The following CCDC149 variants were observed in gnomAD, a reference collection of about 807,000 sequenced individuals.
The protein encoded by CCDC149 is coiled-coil domain containing 149.
A neutral mutation model predicts 59.9 loss-of-function variants in CCDC149; 45 were observed. The ratio of observed to expected loss-of-function variants is 0.75; its 90% CI spans 0.59 to 0.96. CCDC149 has a LOEUF of 0.96. CCDC149 is among the 40% of genes least tolerant of loss of function. CCDC149 has a pLI of 0.00. For synonymous variants in CCDC149, 245 were observed against 260.6 expected (o/e 0.94, Z 0.58); for missense variants, 584 against 664.7 (o/e 0.88, Z 1.33).
At chr4:24,809,458 G>A (rs750276259) in intron 12 of CCDC149, among the ~76,000 whole-genome samples, 7 of 152,206 alleles carry the variant, frequency 4.6e-5, no homozygotes, top group African/African-American at 1.2e-4. Flanking sequence ...AGAAGGGGGA[G>A]CCCTTAAAGT....
rs762459781 is a variant in CCDC149, at chr4:24,806,308, A to T, written c.*2081T>A. On this transcript the variant is annotated 3_prime_UTR_variant, in exon 13 of 13. Coordinates refer to ENST00000635206, the MANE Select transcript of CCDC149 (RefSeq NM_001330643.2). ...CCTCCCCGCTGACTACACACAGTTTAGGTTATCACTCCTTATGACTCCTGC... is the reference window on the plus strand; with the variant it reads ...CCTCCCCGCTGACTACACACAGTTTTGGTTATCACTCCTTATGACTCCTGC... 6.6e-6 allele frequency: 1 copy of T among 152,308 alleles called. No homozygotes were observed. Among genetic ancestry groups the T allele is most frequent in the African/African-American group, 2.4e-5 (1 of 41,400 alleles). The allele number at this position is 152,308 out of a possible 1,614,324, so 9.4% of individuals were successfully genotyped here.
At chr4:24,974,424 C>T (rs1209539591) in intron 1 of CCDC149, among the ~76,000 whole-genome samples, 1 of 152,180 alleles carries the variant, frequency 6.6e-6, no homozygotes, top group Non-Finnish European at 1.5e-5. Flanking sequence ...CTCTAGAGGA[C>T]AGAGTAACCA....
intron 1 of CCDC149, among the ~76,000 whole-genome samples, chr4:24,973,788 C>T (rs1387209864): frequency 2.0e-5 from 3 of 152,208 alleles, no homozygotes; most frequent in Non-Finnish European, 4.4e-5. Flanking sequence ...TTCTGTGCAA[C>T]GTTATCCACA....
chr4:24,889,852 C>T (rs996142874), intron 1 of CCDC149, among the ~76,000 whole-genome samples: 5 of 152,160 alleles, frequency 3.3e-5, no homozygotes, highest in South Asian at 2.1e-4. Context: ...AATACCCTAA[C>T]ACCCCTATTA....
intron 1 of CCDC149, among the ~76,000 whole-genome samples, chr4:24,903,158 A>G (rs1721278330): frequency 6.6e-6 from 1 of 151,748 alleles, no homozygotes; most frequent in African/African-American, 2.4e-5. Flanking sequence ...AAGAAGCCAG[A>G]CATTCTGCCT....
At chr4:24,921,384 C>T (rs1722287885) in intron 1 of CCDC149, among the ~76,000 whole-genome samples, 1 of 152,188 alleles carries the variant, frequency 6.6e-6, no homozygotes, top group African/African-American at 2.4e-5. Context: ...TGAATGAACC[C>T]TATATGTACT....
In CCDC149 at chr4:24,837,398, A is replaced by G. The variant is rs749473340; in HGVS notation, c.492T>C (p.Ile164=). ...CCTGCAGGTCGTGCTCCAGAGACTCAATCTAAAACCACAGGGAGAGCCCTT... is the reference window on the plus strand; with the variant it reads ...CCTGCAGGTCGTGCTCCAGAGACTCGATCTAAAACCACAGGGAGAGCCCTT... The change falls in exon 6 of 13, where the codon ATT becomes ATC. Residue 164 remains isoleucine (I), a splice_region_variant and synonymous_variant. Coordinates refer to ENST00000635206, the MANE Select transcript of CCDC149 (RefSeq NM_001330643.2). The surrounding 1 kb of genome is among the most constrained non-coding windows in gnomAD (Gnocchi z 4.3). 1 of 1,614,072 alleles carries G rather than the reference A, an allele frequency of 6.2e-7. No individual in the cohort carries two copies. Among genetic ancestry groups the G allele is most frequent in the East Asian group, 2.2e-5 (1 of 44,878 alleles).
chr4:24,950,988 A>G (rs1345328871), intron 1 of CCDC149, among the ~76,000 whole-genome samples: 1 of 152,234 alleles, frequency 6.6e-6, no homozygotes, highest in Non-Finnish European at 1.5e-5. Flanking sequence ...ATCATAGCTC[A>G]GCATCTATGT....
At chr4:24,856,080 G>T (rs1391613456) in intron 3 of CCDC149, among the ~76,000 whole-genome samples, 1 of 152,202 alleles carries the variant, frequency 6.6e-6, no homozygotes, top group African/African-American at 2.4e-5. Flanking sequence ...CTAAAGGTGG[G>T]TTACCTCCCT....
intron 12 of CCDC149, among the ~76,000 whole-genome samples, chr4:24,818,157 G>T (rs1715134551): frequency 6.6e-6 from 1 of 152,172 alleles, no homozygotes; most frequent in Non-Finnish European, 1.5e-5. Flanking sequence ...TCTGCAGAAA[G>T]AGTTGAGTGA....
intron 9 of CCDC149, among the ~76,000 whole-genome samples, chr4:24,823,851 G>C (rs1167809958): frequency 6.6e-6 from 1 of 152,178 alleles, no homozygotes; most frequent in Non-Finnish European, 1.5e-5. Flanking sequence ...AAATTATGCA[G>C]TCTTTATCAA....
At chr4:24,865,583 A>G (rs748893710) in intron 3 of CCDC149, among the ~76,000 whole-genome samples, 1 of 152,182 alleles carries the variant, frequency 6.6e-6, no homozygotes, top group Non-Finnish European at 1.5e-5. Flanking sequence ...GTGCAAGGAG[A>G]CCTTAGCAGC....
intron 1 of CCDC149, among the ~76,000 whole-genome samples, chr4:24,951,308 C>A (rs1391421942): frequency 6.6e-6 from 1 of 152,192 alleles, no homozygotes; most frequent in African/African-American, 2.4e-5. Flanking sequence ...AGCTTTTAAA[C>A]TTCAGGGTGG....
chr4:24,887,935 C>T (rs981423397), intron 1 of CCDC149, among the ~76,000 whole-genome samples: 8 of 152,166 alleles, frequency 5.3e-5, no homozygotes, highest in Admixed American at 6.5e-5. Flanking sequence ...CTGTTCAGCC[C>T]ACCTACTGCT....
In CCDC149 at chr4:24,822,497, C is replaced by G. The variant is rs1715472566; in HGVS notation, c.1042G>C (p.Gly348Arg). The G allele has an allele frequency of 6.6e-7, 1 of 1,513,506 alleles. No individual in the cohort carries two copies. The highest frequency in any genetic ancestry group is 1.4e-5 in the African/African-American group (1 of 70,320). 93.8% of individuals were successfully genotyped at this position (1,513,506 alleles called of 1,614,324 possible). A position where few individuals can be genotyped will look rare whatever the true frequency, so the allele number is the denominator to read the frequency against. ...ATTGTTTTCATGAGGTTCTGTTTAC[C>G]TGGAAGACTCCACAAACCAGAAACT... is the stretch of plus-strand genomic sequence containing the variant. The change falls in exon 10 of 13, where the codon GGC (glycine) becomes CGC (arginine). Residue 348 changes from glycine (G) to arginine (R), a missense_variant and splice_region_variant. Transcript: ENST00000635206.
At chr4:24,900,449 T>C (rs947711983) in intron 1 of CCDC149, among the ~76,000 whole-genome samples, 2 of 152,120 alleles carry the variant, frequency 1.3e-5, no homozygotes, top group African/African-American at 4.8e-5. Flanking sequence ...GAGATCACAG[T>C]AGAGGCTCTG....
chr4:24,864,525 G>A (rs1248272188), intron 3 of CCDC149, among the ~76,000 whole-genome samples: 1 of 151,984 alleles, frequency 6.6e-6, no homozygotes, highest in Non-Finnish European at 1.5e-5. Context: ...CCCACTCCCT[G>A]GCCCCCTACC....
Position 24,829,103 on chromosome 4 carries a change from T to C in CCDC149, c.965+2403A>G, listed in dbSNP as rs533039586. 2.6e-5 allele frequency: 4 copies of C among 152,662 alleles called. No homozygotes were observed. In the East Asian group the frequency reaches 5.8e-4, roughly 22 times the overall value. 9.5% of individuals were successfully genotyped at this position (152,662 alleles called of 1,614,324 possible). On this transcript the variant is annotated intron_variant, in intron 9 of 12. Transcript: ENST00000635206. ...AAGGCTAGTGTCATGCTCAGAACTG[T>C]AGCTGGCAGGTGGGTTAGGCGGGGG...
chr4:24,968,041 AGTTATCT>A (rs1723849132), intron 1 of CCDC149, among the ~76,000 whole-genome samples: 2 of 152,162 alleles, frequency 1.3e-5, no homozygotes, highest in Non-Finnish European at 2.9e-5. Flanking sequence ...CAAAGAAGGG[AGTTATCT>A]GGGATTGGGA....
Sources: gnomAD v4.1 joint callset for allele counts (sites outside exome capture counted in the v4.1 genomes callset) on GRCh38, gnomAD v4.1.1 for gene constraint, Gnocchi (gnomAD v3.1) non-coding constraint, MANE v1.5 for transcripts, NCBI Gene and HGNC (gene_info 2026-07-23, HGNC 2026-07-21) for gene names.